MRPL48: variants seen among roughly 807,000 people sequenced by gnomAD.
The protein encoded by MRPL48 is mitochondrial ribosomal protein L48.
Under a neutral mutation model 32.9 loss-of-function variants are expected in MRPL48, and 16 were observed. That is an observed-to-expected ratio of 0.49 (90% CI 0.33 to 0.74). MRPL48 has a LOEUF of 0.74. Ranked by LOEUF, MRPL48 falls within the 30% of genes least tolerant of loss-of-function variation. MRPL48 has a pLI of 0.02. For synonymous variants in MRPL48, 94 were observed against 89.2 expected, an observed-to-expected ratio of 1.05 and a Z score of -0.31; for missense variants, 206 against 245.3, an observed-to-expected ratio of 0.84 and a Z score of 1.07.
intron 1 of MRPL48, among the ~76,000 whole-genome samples, chr11:73,792,193 A>G (rs959033738): frequency 1.3e-5 from 2 of 152,244 alleles, no homozygotes; most frequent in African/African-American, 4.8e-5. Context: ...TATTTATCAG[A>G]TCAGTGTACT....
intron 5 of MRPL48, among the ~76,000 whole-genome samples, chr11:73,848,320 T>A (rs1044774205): frequency 1.3e-5 from 2 of 152,156 alleles, no homozygotes; most frequent in East Asian, 1.9e-4. Context: ...TCTATTCTGT[T>A]ACATATATGC....
At chr11:73,848,168 G>A (rs1948329066) in intron 5 of MRPL48, among the ~76,000 whole-genome samples, 1 of 151,884 alleles carries the variant, frequency 6.6e-6, no homozygotes, top group African/African-American at 2.4e-5. Flanking sequence ...GTATATAATG[G>A]GTCAAAGTTT....
At chr11:73,845,796 G>A (rs919425027) in intron 5 of MRPL48, among the ~76,000 whole-genome samples, 8 of 149,758 alleles carry the variant, frequency 5.3e-5, no homozygotes, top group East Asian at 2.0e-4. Context: ...AGCCAGGCGC[G>A]GTAGCTCATG....
chr11:73,821,101 C>G (rs910420865), intron 3 of MRPL48, among the ~76,000 whole-genome samples: 3 of 152,142 alleles, frequency 2.0e-5, no homozygotes, highest in Non-Finnish European at 2.9e-5. Context: ...AAACAATCCT[C>G]CCACCACAGC....
chr11:73,841,790 TAG>T (rs1390938265), intron 4 of MRPL48, among the ~76,000 whole-genome samples: 4 of 152,220 alleles, frequency 2.6e-5, no homozygotes, highest in Non-Finnish European at 5.9e-5. Flanking sequence ...TCAAACATAA[TAG>T]ATTTTAAAAT....
chr11:73,858,640 T>C (rs1358836216), intron 5 of MRPL48, among the ~76,000 whole-genome samples: 1 of 152,258 alleles, frequency 6.6e-6, no homozygotes, highest in East Asian at 1.9e-4. Flanking sequence ...TATTAAGTGA[T>C]GATTTTGTGA....
chr11:73,860,018 T>C lies in MRPL48; in HGVS notation c.474+9T>C. ...ATGAGCGAGTGGTTCAGGTAGGCAC[T>C]CCAGGAGAATAAAAAATGTATTTGC... On this transcript the variant is annotated intron_variant, in intron 6 of 7. Transcript: ENST00000310614. The C allele has an allele frequency of 6.2e-7, 1 of 1,605,120 alleles. No individual in the cohort carries two copies. Among genetic ancestry groups the C allele is most frequent in the Non-Finnish European group, 8.5e-7 (1 of 1,174,712 alleles).
At chr11:73,817,793 TTTG>T (rs753277435) in intron 3 of MRPL48, 55 of 389,226 alleles carry the variant, frequency 1.4e-4, no homozygotes, top group East Asian at 3.6e-4. Context: ...GATATTTATT[TTTG>T]TTGTTGTTGT....
rs147513134 is a variant in MRPL48 at position 73,862,192 on chromosome 11, G to T, written c.475-980G>T. ...AATCCCAACATTTTGGGAGGCCGAG[G>T]TGGGCGGATCACCTGAGGTTGGGAG... On this transcript the variant is annotated intron_variant, in intron 6 of 7. Coordinates refer to ENST00000310614, the MANE Select transcript of MRPL48 (RefSeq NM_016055.6). 2.4e-3 allele frequency among the ~76,000 whole-genome samples: 362 copies of T among 152,326 alleles called. 2 individuals carry two copies. The highest frequency in any genetic ancestry group is 8.3e-3 in the African/African-American group (346 of 41,568).
At position 73,812,717 on chromosome 11, in the gene MRPL48, A is replaced by AATATATATATATAT. The variant is rs370608269; in HGVS notation, c.112+4378_112+4391dup. Among the ~76,000 whole-genome samples, 314 of 135,514 alleles carry AATATATATATATAT rather than the reference A, an allele frequency of 2.3e-3. 1 individual carries two copies. Among genetic ancestry groups the AATATATATATATAT allele is most frequent in the African/African-American group, 8.4e-3 (293 of 34,820 alleles). The allele number at this position is 135,514 out of a possible 152,430, so 88.9% of individuals were successfully genotyped here. ...GCGACAGAGCAGGATCCCATGTCTA[A>AATATATATATATAT]ATATATATATATATATATATATATT... On this transcript the variant is annotated intron_variant, in intron 3 of 7. Transcript: ENST00000310614.
chr11:73,798,492 A>G lies in MRPL48; in HGVS notation c.22-6535A>G, dbSNP rs138304660. Among the ~76,000 whole-genome samples the G allele has an allele frequency of 2.2e-3, 336 of 152,280 alleles. 2 individuals carry two copies. The highest frequency in any genetic ancestry group is 7.6e-3 in the African/African-American group (315 of 41,554). ...TTGACTTCTTGTATGAAAAACAAGA[A>G]CTGAACTTACTTTGTATGATGTCAG... is the stretch of plus-strand genomic sequence containing the variant. On this transcript the variant is annotated intron_variant, in intron 1 of 7. Transcript: ENST00000310614.
At chr11:73,863,801 G>A (rs1423435148) in intron 7 of MRPL48, among the ~76,000 whole-genome samples, 1 of 152,160 alleles carries the variant, frequency 6.6e-6, no homozygotes, top group Non-Finnish European at 1.5e-5. Context: ...TGACACAGAT[G>A]TATGAGGTCA....
At chr11:73,848,495 T>TTC (rs1334000850) in intron 5 of MRPL48, among the ~76,000 whole-genome samples, 2 of 151,620 alleles carry the variant, frequency 1.3e-5, no homozygotes, top group African/African-American at 4.8e-5. Context: ...GGGATTTTTT[T>TTC]TTTTTTTTAG....
At chr11:73,811,133 G>A (rs550828423) in intron 3 of MRPL48, among the ~76,000 whole-genome samples, 319 of 152,272 alleles carry the variant, frequency 2.1e-3, no homozygotes, top group Non-Finnish European at 3.1e-3. Context: ...CAGGCAAGAG[G>A]AGAGCGTTTC....
intron 3 of MRPL48, among the ~76,000 whole-genome samples, chr11:73,821,781 G>A (rs1030611389): frequency 7.2e-5 from 11 of 152,166 alleles, no homozygotes; most frequent in Admixed American, 5.9e-4. Context: ...AGGGCAATGC[G>A]TGGTACCTAT....
chr11:73,860,083 A>G (rs1948559166), intron 6 of MRPL48, 74 bp downstream of exon 6: 5 of 1,245,902 alleles, frequency 4.0e-6, no homozygotes, highest in African/African-American at 3.0e-5. Context: ...TTCACTTTCT[A>G]TTATGCTCTT....
At chr11:73,814,861 G>A (rs1347830213) in intron 3 of MRPL48, among the ~76,000 whole-genome samples, 5 of 151,530 alleles carry the variant, frequency 3.3e-5, no homozygotes, top group African/African-American at 9.7e-5. Flanking sequence ...AGGCGTGGTG[G>A]TCACACGCCC....
chr11:73,847,211 G>A (rs1309103234), intron 5 of MRPL48, among the ~76,000 whole-genome samples: 1 of 152,122 alleles, frequency 6.6e-6, no homozygotes, highest in Non-Finnish European at 1.5e-5. Flanking sequence ...CTGGTCAGCA[G>A]TTGGTATCAT....
chr11:73,810,208 T>C (rs2134973938), intron 3 of MRPL48, among the ~76,000 whole-genome samples: 1 of 152,324 alleles, frequency 6.6e-6, no homozygotes, highest in East Asian at 1.9e-4. Flanking sequence ...TTGAATACTT[T>C]AGCTTGGGTT....
Sources: gnomAD v4.1 joint callset for allele counts (sites outside exome capture counted in the v4.1 genomes callset) on GRCh38, gnomAD v4.1.1 for gene constraint, MANE v1.5 for transcripts, NCBI Gene and HGNC (gene_info 2026-07-23, HGNC 2026-07-21) for gene names.